Variants in OPRM1 observed in about 807,000 individuals in gnomAD.
OPRM1 encodes mu-type opioid receptor.
Under a neutral mutation model 31.8 loss-of-function variants are expected in OPRM1, and 27 were observed. The observed-to-expected ratio is 0.85, with a 90% CI of 0.63 to 1.17. OPRM1 has a LOEUF of 1.17. OPRM1 is among the 50% of genes most tolerant of loss of function. The pLI, the probability that OPRM1 is intolerant of heterozygous loss-of-function variation, is 0.00. For missense variants in OPRM1, 536 were observed against 511.1 expected (o/e 1.05, Z -0.47); for synonymous variants, 196 against 189.9 (o/e 1.03, Z -0.26).
chr6:154,127,603 G>A lies in OPRM1; in HGVS notation c.*8882G>A, dbSNP rs1797666894. On this transcript the variant is annotated 3_prime_UTR_variant, in exon 4 of 4. Coordinates refer to ENST00000330432, the MANE Select transcript of OPRM1 (RefSeq NM_000914.5). The stretch of plus-strand genomic sequence containing the variant: ...TGCTCATGACTTGACATTGTGGTGG[G>A]CCGGCTACAACCCTCCCCACCCCTC... Among the ~76,000 whole-genome samples the A allele has an allele frequency of 6.6e-6, 1 of 152,160 alleles. No homozygotes were observed. Among genetic ancestry groups the A allele is most frequent in the Admixed American group, 6.5e-5 (1 of 15,278 alleles).
intron 1 of OPRM1, among the ~76,000 whole-genome samples, chr6:154,030,022 C>T (rs969682877): frequency 6.7e-6 from 1 of 149,036 alleles, no homozygotes; most frequent in African/African-American, 2.6e-5. Flanking sequence ...GCCTCCCAAG[C>T]CGTATTGAAC....
intron 3 of OPRM1, among the ~76,000 whole-genome samples, chr6:154,244,673 CAT>C (rs1780889408): frequency 2.6e-5 from 4 of 152,164 alleles, no homozygotes; most frequent in African/African-American, 9.7e-5. Flanking sequence ...CTAAGAGAAT[CAT>C]AAGCTGAATG....
chr6:154,070,513 C>A (rs1023979497), intron 1 of OPRM1, among the ~76,000 whole-genome samples: 4 of 152,200 alleles, frequency 2.6e-5, no homozygotes, highest in African/African-American at 4.8e-5. Context: ...TCCAAGTAAA[C>A]TCTTTAGAGC....
At chr6:154,042,717 T>C (rs1780323649) in intron 1 of OPRM1, among the ~76,000 whole-genome samples, 1 of 152,192 alleles carries the variant, frequency 6.6e-6, no homozygotes, top group South Asian at 2.1e-4. Flanking sequence ...GAAACTGTAA[T>C]ATGTTCTAAA....
downstream of OPRM1, among the ~76,000 whole-genome samples, chr6:154,135,896 G>GA (rs958864109): frequency 4.6e-4 from 70 of 152,206 alleles, 1 homozygote; most frequent in African/African-American, 1.7e-3. Flanking sequence ...AAGACTGAGA[G>GA]AAAAAAATTG....
intron 3 of OPRM1, chr6:154,160,043 G>T (rs747698498): frequency 4.4e-6 from 7 of 1,603,574 alleles, no homozygotes; most frequent in Non-Finnish European, 6.0e-6. Context: ...TCTTTACACT[G>T]TGTGAGTAGA....
At chr6:154,066,538 T>C (rs539301976) in intron 1 of OPRM1, among the ~76,000 whole-genome samples, 1 of 152,250 alleles carries the variant, frequency 6.6e-6, no homozygotes, top group East Asian at 1.9e-4. Flanking sequence ...AAAAAATCAT[T>C]TGTTGAAACC....
chr6:154,190,609 T>C (rs1299994942), intron 3 of OPRM1, among the ~76,000 whole-genome samples: 1 of 152,200 alleles, frequency 6.6e-6, no homozygotes, highest in Admixed American at 6.5e-5. Context: ...GCATCTCTTA[T>C]ACAGTTAAAC....
chr6:154,091,145 G>T lies in OPRM1; in HGVS notation c.837G>T (p.Arg279Ser). 6.2e-7 allele frequency: 1 copy of T among 1,614,134 alleles called. No individual in the cohort carries two copies. The highest frequency in any genetic ancestry group is 1.1e-5 in the South Asian group (1 of 91,080). The change falls in exon 3 of 4, where the codon AGG becomes AGT. Residue 279 changes from arginine to serine, a missense_variant. Transcript: ENST00000330432. ...AAGAAAAGGACAGGAATCTTCGAAG[G>T]ATCACCAGGATGGTGCTGGTGGTGG... ...GSKEKDRNLR[R>S]ITRMVLVVVA...
At chr6:154,185,531 T>C (rs1415048871) in intron 3 of OPRM1, among the ~76,000 whole-genome samples, 2 of 152,224 alleles carry the variant, frequency 1.3e-5, no homozygotes, top group African/African-American at 4.8e-5. Context: ...ATACATGCTA[T>C]GTAAATAAAT....
In OPRM1 at chr6:154,039,940, G is replaced by A. The variant is rs1779710152; in HGVS notation, c.290+106G>A. The stretch of plus-strand genomic sequence containing the variant: ...ATGTTGGGCGGGAGGATGAAAGAGG[G>A]GAGGTAAACTGGGGGGACTCTGGAG... On this transcript the variant is annotated intron_variant, in intron 1 of 3. Transcript: ENST00000330432. 4 of 1,040,212 alleles carry A rather than the reference G, an allele frequency of 3.8e-6. No homozygotes were observed. In the South Asian group the frequency reaches 5.3e-5, roughly 14 times the overall value. 64.4% of individuals were successfully genotyped at this position (1,040,212 alleles called of 1,614,324 possible).
chr6:154,049,347 G>A (rs1462685273), intron 1 of OPRM1, among the ~76,000 whole-genome samples: 1 of 152,104 alleles, frequency 6.6e-6, no homozygotes, highest in Non-Finnish European at 1.5e-5. Flanking sequence ...TTGTGAAAAG[G>A]ACACGTGTTT....
chr6:154,085,370 C>T (rs1435848430), intron 1 of OPRM1, among the ~76,000 whole-genome samples: 1 of 152,154 alleles, frequency 6.6e-6, no homozygotes, highest in Non-Finnish European at 1.5e-5. Flanking sequence ...CGATGGTTCT[C>T]AGAAGAACAC....
chr6:154,011,040 T>G, intron 1 of OPRM1: 1 of 1,289,558 alleles, frequency 7.8e-7, no homozygotes, highest in Non-Finnish European at 1.0e-6. Context: ...CTCATTTATT[T>G]TGTTGAAGAA....
At chr6:154,076,763 T>A (rs1367387538) in intron 1 of OPRM1, among the ~76,000 whole-genome samples, 1 of 152,210 alleles carries the variant, frequency 6.6e-6, no homozygotes, top group Non-Finnish European at 1.5e-5. Context: ...CAAGCAAATG[T>A]TTCTTTGCTA....
At chr6:154,118,602 T>C (rs1797115688) in intron 3 of OPRM1, 81 bp from the exon 4 acceptor site, 1 of 1,381,910 alleles carries the variant, frequency 7.2e-7, no homozygotes, top group Non-Finnish European at 1.0e-6. Flanking sequence ...ATGCAGTTCT[T>C]ACGAGCAGAA....
At chr6:154,148,738 A>G (rs1291951673) in intron 3 of OPRM1, among the ~76,000 whole-genome samples, 15 of 152,192 alleles carry the variant, frequency 9.9e-5, no homozygotes, top group Admixed American at 9.8e-4. Context: ...ATGGCAAGAT[A>G]TGTTACATGA....
At chr6:154,114,387 C>A (rs522670) in intron 3 of OPRM1, among the ~76,000 whole-genome samples, 31,352 of 151,834 alleles carry the variant, frequency 0.21, 3,468 homozygotes, top group Non-Finnish European at 0.25. Context: ...TTTATTAAGG[C>A]CTTTCAATAG....
intron 3 of OPRM1, chr6:154,108,860 A>G (rs1795998896): frequency 1.0e-5 from 10 of 984,856 alleles, no homozygotes; most frequent in Non-Finnish European, 1.2e-5. Flanking sequence ...GCATACTAGA[A>G]GTGTTCTCTA....
Sources: allele counts gnomAD v4.1 joint callset (sites outside exome capture counted in the v4.1 genomes callset), GRCh38; gene constraint gnomAD v4.1.1; transcripts MANE v1.5; gene names NCBI Gene and HGNC (gene_info 2026-07-23, HGNC 2026-07-21).